The following TRIM68 variants were observed in gnomAD, a reference collection of about 807,000 sequenced individuals.
The protein encoded by TRIM68 is E3 ubiquitin-protein ligase TRIM68.
TRIM68 carries 36 observed loss-of-function variants against 41.9 expected under a neutral mutation model. The ratio of observed to expected loss-of-function variants is 0.86; its 90% CI spans 0.66 to 1.14. The LOEUF is 1.14. TRIM68 is among the 50% of genes most tolerant of loss of function. The pLI, the probability that TRIM68 is intolerant of heterozygous loss-of-function variation, is 0.00. For missense variants in TRIM68, 632 were observed against 605.1 expected (o/e 1.04, Z -0.47); for synonymous variants, 225 against 224.6 (o/e 1.00, Z -0.02).
At position 4,605,513 on chromosome 11, in the gene TRIM68, C is replaced by T. The variant is rs373092095; in HGVS notation, c.-9G>A. 39 of 1,596,796 alleles carry T rather than the reference C, an allele frequency of 2.4e-5. No homozygotes were observed. Among genetic ancestry groups the T allele is most frequent in the Non-Finnish European group, 3.3e-5 (38 of 1,168,818 alleles). On this transcript the variant is annotated 5_prime_UTR_variant, in exon 2 of 7. Transcript: ENST00000300747. The stretch of plus-strand genomic sequence containing the variant: ...AAGGCTGTGGGATCCATGGTTCCTT[C>T]TCACACCCTCCTCAGAACATGAATG...
chr11:4,600,565 TG>T lies in TRIM68; in HGVS notation c.1168del (p.His390ThrfsTer6). The T allele has an allele frequency of 6.2e-7, 1 of 1,613,928 alleles. No homozygotes were observed. On this transcript the variant is annotated frameshift_variant, in exon 7 of 7. Transcript: ENST00000300747. LOFTEE classifies it high-confidence loss of function. ...CAGCCTTATCACCCAGAATCCATAG[TG>T]GGGGGATAAGTAGACCACCTCCTTC... ...DRKEVVYLSPHYGFWVIRLRK... is the reference protein window; with the variant it reads ...DRKEVVYLSPXYGFWVIRLRK...
At position 4,600,277 on chromosome 11, in the gene TRIM68, T is replaced by C; in HGVS notation, c.1457A>G (p.Ter486=). The C allele has an allele frequency of 1.3e-6, 2 of 1,566,102 alleles. No individual in the cohort carries two copies. Among genetic ancestry groups the C allele is most frequent in the Non-Finnish European group, 1.7e-6 (2 of 1,156,668 alleles). ...LAICSLDGED[*] is the part of the protein sequence containing the mutation. ...TCTCTGGTTAGGGTGGTAGCTTTCTTAGTCCTCCCCATCCAGGGAGCAGAT... is the reference window on the plus strand; with the variant it reads ...TCTCTGGTTAGGGTGGTAGCTTTCTCAGTCCTCCCCATCCAGGGAGCAGAT... Residue 486 remains the stop codon, a stop_retained_variant, in exon 7 of 7, where the codon TAA becomes TGA. Transcript: ENST00000300747.
At position 4,605,094 on chromosome 11, in the gene TRIM68, A is replaced by G; in HGVS notation, c.411T>C (p.Val137=). The change falls in exon 2 of 7, where the codon GTT becomes GTC. Residue 137 remains valine, a synonymous_variant. Coordinates refer to ENST00000300747, the MANE Select transcript of TRIM68 (RefSeq NM_018073.8). ...CATCTCTCACCTTGTACTCCCAGGC[A>G]ACATCCTCCATTGGCACAACACTGT... ...EAHSVVPMED[V]AWEYKWELHE... 6.2e-7 allele frequency: 1 copy of G among 1,613,838 alleles called. No homozygotes were observed. The highest frequency in any genetic ancestry group is 8.5e-7 in the Non-Finnish European group (1 of 1,179,754).
chr11:4,602,518 C>T, intron 3 of TRIM68, 106 bp from the exon 4 acceptor site: 3 of 1,404,770 alleles, frequency 2.1e-6, no homozygotes, highest in East Asian at 2.4e-5. Context: ...AACCACGTGA[C>T]AGGCTATGCA....
chr11:4,600,590 T>C lies in TRIM68; in HGVS notation c.1144A>G (p.Lys382Glu). The C allele has an allele frequency of 6.2e-7, 1 of 1,614,022 alleles. No homozygotes were observed. The highest frequency in any genetic ancestry group is 8.5e-7 in the Non-Finnish European group (1 of 1,180,000). Residue 382 changes from lysine to glutamate, a missense_variant, in exon 7 of 7, where the codon AAG becomes GAG. Lys to Glu is a moderately conservative substitution (Grantham distance 56). Coordinates refer to ENST00000300747, the MANE Select transcript of TRIM68 (RefSeq NM_018073.8). ...LGVCKQNVDRKEVVYLSPHYG... is the reference protein window; with the variant it reads ...LGVCKQNVDREEVVYLSPHYG... ...TGGGGGGATAAGTAGACCACCTCCT[T>C]CCGGTCTACATTTTGCTTACATACT...
intron 5 of TRIM68, 40 bp from the exon 6 acceptor site, chr11:4,601,167 C>G: frequency 6.6e-7 from 1 of 1,517,010 alleles, no homozygotes; most frequent in Non-Finnish European, 9.2e-7. Context: ...GGAGTCCCGG[C>G]TTTGTCACAT....
chr11:4,601,146 C>T lies in TRIM68; in HGVS notation c.807-19G>A. 3.1e-6 allele frequency: 5 copies of T among 1,604,738 alleles called. No individual in the cohort carries two copies. The highest frequency in any genetic ancestry group is 4.3e-6 in the Non-Finnish European group (5 of 1,171,476). On this transcript the variant is annotated intron_variant, in intron 5 of 6. Transcript: ENST00000300747. The stretch of plus-strand genomic sequence containing the variant: ...TTTGCTCCTGGTAGAGGAGGGTGAA[C>T]CTCAGGGCCAGGAGTCCCGGCTTTG...
At chr11:4,605,020 C>G (rs1241649987) in intron 2 of TRIM68, 59 bp downstream of exon 2, 1 of 1,576,678 alleles carries the variant, frequency 6.3e-7, no homozygotes, top group East Asian at 2.2e-5. Flanking sequence ...AGCCCTTGAT[C>G]TAGAAACAGC....
At chr11:4,606,345 T>G (rs1444425740) in intron 1 of TRIM68, among the ~76,000 whole-genome samples, 1 of 152,204 alleles carries the variant, frequency 6.6e-6, no homozygotes, top group Non-Finnish European at 1.5e-5. Flanking sequence ...GGCATGGAAC[T>G]TGGTCAATGG....
Position 4,608,150 on chromosome 11 carries a change from G to A in TRIM68, c.-181C>T, listed in dbSNP as rs1025623366. The A allele has an allele frequency of 6.6e-6, 1 of 152,502 alleles. No individual in the cohort carries two copies. The highest frequency in any genetic ancestry group is 1.5e-5 in the Non-Finnish European group (1 of 68,232). The allele number at this position is 152,502 out of a possible 1,614,324, so 9.4% of individuals were successfully genotyped here. On this transcript the variant is annotated 5_prime_UTR_variant, in exon 1 of 7. Coordinates refer to ENST00000300747, the MANE Select transcript of TRIM68 (RefSeq NM_018073.8). ...CCCGGCAGCTCAGCACTTAGGGCCA[G>A]AGAGCGGCAGAGGCCCAGAACCCAA... is the stretch of plus-strand genomic sequence containing the variant.
chr11:4,602,019 G>A, intron 4 of TRIM68, 133 bp downstream of exon 4: 1 of 1,328,026 alleles, frequency 7.5e-7, no homozygotes, highest in South Asian at 1.3e-5. Context: ...GGTATTAGCT[G>A]GGGAAACACA....
chr11:4,602,413 C>T lies in TRIM68; in HGVS notation c.523-1G>A, dbSNP rs1846507694. The T allele has an allele frequency of 1.9e-6, 3 of 1,612,600 alleles. No individual in the cohort carries two copies. The highest frequency in any genetic ancestry group is 1.3e-5 in the African/African-American group (1 of 74,886). On this transcript the variant is annotated splice_acceptor_variant, in intron 3 of 6. Coordinates refer to ENST00000300747, the MANE Select transcript of TRIM68 (RefSeq NM_018073.8). LOFTEE classifies it high-confidence loss of function. ...TCTGTTTTCGGGTTTCCACCTGTAT[C>T]TGTGGAGCCAAGATGGAAATCAGCA... is the stretch of plus-strand genomic sequence containing the variant.
At chr11:4,604,968 G>T in intron 2 of TRIM68, 111 bp downstream of exon 2, 1 of 1,210,018 alleles carries the variant, frequency 8.3e-7, no homozygotes, top group Admixed American at 2.3e-5. Flanking sequence ...TGGGTGTCAG[G>T]AACCAAAGGA....
chr11:4,603,149 C>A, intron 3 of TRIM68, 96 bp downstream of exon 3: 1 of 1,168,166 alleles, frequency 8.6e-7, no homozygotes, highest in Non-Finnish European at 1.3e-6. Context: ...TCAAGCCTCA[C>A]ATTCTGCCTC....
In TRIM68 at chr11:4,600,580, A is replaced by G. The variant is rs1430083172; in HGVS notation, c.1154T>C (p.Val385Ala). 1 of 1,614,030 alleles carries G rather than the reference A, an allele frequency of 6.2e-7. No individual in the cohort carries two copies. Among genetic ancestry groups the G allele is most frequent in the Admixed American group, 1.7e-5 (1 of 60,004 alleles). ...CKQNVDRKEV[V>A]YLSPHYGFWV... ...GAATCCATAGTGGGGGGATAAGTAG[A>G]CCACCTCCTTCCGGTCTACATTTTG... Residue 385 changes from valine (V) to alanine (A), a missense_variant, in exon 7 of 7, where the codon GTC (valine) becomes GCC (alanine). Transcript: ENST00000300747.
chr11:4,602,479 T>C (rs1220077443), intron 3 of TRIM68, 67 bp from the exon 4 acceptor site: 2 of 1,580,736 alleles, frequency 1.3e-6, no homozygotes, highest in African/African-American at 1.3e-5. Context: ...TACTGACATA[T>C]GCATACACAC....
At chr11:4,600,985 T>A in intron 6 of TRIM68, 42 bp downstream of exon 6, 1 of 1,571,516 alleles carries the variant, frequency 6.4e-7, no homozygotes, top group Non-Finnish European at 8.8e-7. Context: ...CTGGGAGGGG[T>A]CCCTCCCACT....
At position 4,603,305 on chromosome 11, in the gene TRIM68, T is replaced by C. The variant is rs1464438753; in HGVS notation, c.462A>G (p.Lys154=). ...ELHEALEHLK[K]EQEEAWKLEV... The stretch of plus-strand genomic sequence containing the variant: ...CAAGCTTCCAGGCCTCTTCTTGCTC[T>C]TTCTTCAGATGTTCGAGGGCCTCAT... The change falls in exon 3 of 7, where the codon AAA becomes AAG. Residue 154 remains lysine, a synonymous_variant. Coordinates refer to ENST00000300747, the MANE Select transcript of TRIM68 (RefSeq NM_018073.8). The C allele has an allele frequency of 6.2e-6, 10 of 1,614,238 alleles. No individual in the cohort carries two copies. The highest frequency in any genetic ancestry group is 1.6e-4 in the Middle Eastern group (1 of 6,062).
intron 4 of TRIM68, 42 bp downstream of exon 4, chr11:4,602,110 T>C (rs781721601): frequency 1.2e-6 from 2 of 1,613,230 alleles, no homozygotes; most frequent in East Asian, 4.5e-5. Context: ...TCAGTCTATC[T>C]TCAGCTGTCA....
Sources: allele counts gnomAD v4.1 joint callset (sites outside exome capture counted in the v4.1 genomes callset), GRCh38; gene constraint gnomAD v4.1.1; transcripts MANE v1.5; gene names NCBI Gene and HGNC (gene_info 2026-07-23, HGNC 2026-07-21).